Variants in KIAA0825 observed in about 807,000 individuals in gnomAD.
KIAA0825 encodes the protein uncharacterized protein KIAA0825.
Under a neutral mutation model 147.6 loss-of-function variants are expected in KIAA0825, and 119 were observed. That is an observed-to-expected ratio of 0.81 (90% CI 0.69 to 0.94). KIAA0825 has a LOEUF of 0.94. KIAA0825 is among the 40% of genes least tolerant of loss of function. KIAA0825 has a pLI of 0.00. For missense variants in KIAA0825, 1,381 were observed against 1,472.7 expected, an observed-to-expected ratio of 0.94 and a Z score of 1.02; for synonymous variants, 470 against 518.1, an observed-to-expected ratio of 0.91 and a Z score of 1.26.
At chr5:94,233,591 A>G (rs553445614) in intron 20 of KIAA0825, among the ~76,000 whole-genome samples, 1 of 152,294 alleles carries the variant, frequency 6.6e-6, no homozygotes, top group Non-Finnish European at 1.5e-5. Flanking sequence ...ATAAGTTGTC[A>G]TGATAGTTAC....
At chr5:94,335,908 CACTA>C (rs528342748) in intron 20 of KIAA0825, among the ~76,000 whole-genome samples, 1 of 152,142 alleles carries the variant, frequency 6.6e-6, no homozygotes, top group Non-Finnish European at 1.5e-5. Flanking sequence ...TTTAAATAAT[CACTA>C]ACTTTTTAAG....
At chr5:94,540,399 T>C (rs1584827405) in intron 2 of KIAA0825, among the ~76,000 whole-genome samples, 1 of 152,310 alleles carries the variant, frequency 6.6e-6, no homozygotes, top group East Asian at 1.9e-4. Flanking sequence ...AAAAACTGGA[T>C]AAGGTTTCCC....
chr5:94,202,277 G>A (rs1435255636), intron 20 of KIAA0825, among the ~76,000 whole-genome samples: 1 of 152,096 alleles, frequency 6.6e-6, no homozygotes, highest in Non-Finnish European at 1.5e-5. Context: ...ATGAAGGGGA[G>A]GAAGAACAGA....
intron 10 of KIAA0825, among the ~76,000 whole-genome samples, chr5:94,465,772 T>C (rs58962581): frequency 0.16 from 24,040 of 152,192 alleles, 2,089 homozygotes; most frequent in East Asian, 0.21. Flanking sequence ...TTTCCACCCC[T>C]GTACAGATCT....
At chr5:94,481,079 T>C (rs560775344) in intron 6 of KIAA0825, among the ~76,000 whole-genome samples, 1 of 152,238 alleles carries the variant, frequency 6.6e-6, no homozygotes, top group South Asian at 2.1e-4. Context: ...TTAAAATCTA[T>C]ACACTTATTA....
chr5:94,421,015 A>T (rs546188216), intron 14 of KIAA0825, among the ~76,000 whole-genome samples: 2 of 152,026 alleles, frequency 1.3e-5, no homozygotes, highest in South Asian at 4.2e-4. Flanking sequence ...GTCTCTCTTG[A>T]CTTCCTGGCA....
At chr5:94,248,229 G>T (rs1248322698) in intron 20 of KIAA0825, among the ~76,000 whole-genome samples, 2 of 152,042 alleles carry the variant, frequency 1.3e-5, no homozygotes, top group East Asian at 3.9e-4. Context: ...ACATTAAGAA[G>T]CAAACAACAA....
chr5:94,509,937 T>C lies in KIAA0825; in HGVS notation c.970+10311A>G, dbSNP rs187353845. Among the ~76,000 whole-genome samples the C allele has an allele frequency of 5.1e-4, 78 of 152,352 alleles. 1 individual carries two copies. The highest frequency in any genetic ancestry group is 9.8e-4 in the Admixed American group (15 of 15,296). On this transcript the variant is annotated intron_variant, in intron 5 of 20. Transcript: ENST00000682413. Reference sequence around the variant, plus strand: ...TCAGATAGCTGAAGGATTACTGTTTTACTGCACTACAAAAAGAATGTTAAC... The same window carrying C: ...TCAGATAGCTGAAGGATTACTGTTTCACTGCACTACAAAAAGAATGTTAAC...
At chr5:94,594,013 C>T (rs1784814968) in intron 1 of KIAA0825, 1 of 507,076 alleles carries the variant, frequency 2.0e-6, no homozygotes, top group African/African-American at 2.0e-5. Flanking sequence ...TAACTATGAT[C>T]CACCTCAAAG....
chr5:94,377,481 C>T (rs1747751349), intron 20 of KIAA0825, among the ~76,000 whole-genome samples: 1 of 152,190 alleles, frequency 6.6e-6, no homozygotes, highest in Non-Finnish European at 1.5e-5. Context: ...GAAGGGAGAG[C>T]TCCTTTTGGT....
At chr5:94,446,334 G>A (rs950237180) in intron 13 of KIAA0825, among the ~76,000 whole-genome samples, 12 of 152,062 alleles carry the variant, frequency 7.9e-5, no homozygotes, top group African/African-American at 2.9e-4. Context: ...TAGTTTAAGT[G>A]ATCATACAAA....
chr5:94,406,605 CT>C (rs138341851), intron 15 of KIAA0825, among the ~76,000 whole-genome samples: 3,757 of 152,260 alleles, frequency 0.025, 140 homozygotes, highest in African/African-American at 0.086. Context: ...TGAAAATCAA[CT>C]TTTGAGAACT....
chr5:94,521,150 T>C (rs1190488054), intron 4 of KIAA0825, among the ~76,000 whole-genome samples: 2 of 151,854 alleles, frequency 1.3e-5, no homozygotes, highest in Non-Finnish European at 3.0e-5. Flanking sequence ...TCTTTTCAAT[T>C]AGATTTCTAG....
At chr5:94,276,719 TTTAA>T (rs532675405) in intron 20 of KIAA0825, among the ~76,000 whole-genome samples, 1 of 152,074 alleles carries the variant, frequency 6.6e-6, no homozygotes, top group Non-Finnish European at 1.5e-5. Context: ...TTCTTAATTA[TTTAA>T]TTATTAAATA....
intron 20 of KIAA0825, among the ~76,000 whole-genome samples, chr5:94,348,600 CT>C (rs1197572682): frequency 1.3e-5 from 2 of 152,048 alleles, no homozygotes; most frequent in Non-Finnish European, 2.9e-5. Context: ...CTCACAGAAA[CT>C]TAAAGAAAAT....
chr5:94,605,283 A>T (rs1787289591), intron 1 of KIAA0825, among the ~76,000 whole-genome samples: 1 of 152,188 alleles, frequency 6.6e-6, no homozygotes, highest in South Asian at 2.1e-4. Context: ...ATAGCTTACC[A>T]ACCAAAAAAA....
intron 5 of KIAA0825, among the ~76,000 whole-genome samples, chr5:94,515,833 G>T (rs1452631121): frequency 1.3e-5 from 2 of 149,570 alleles, no homozygotes; most frequent in Admixed American, 1.3e-4. Context: ...GAATACAGAT[G>T]AACAAAATCG....
In KIAA0825 at chr5:94,153,843, C is replaced by A; in HGVS notation, c.*164G>T. 2.2e-6 allele frequency: 1 copy of A among 462,336 alleles called. No individual in the cohort carries two copies. The highest frequency in any genetic ancestry group is 3.8e-6 in the Non-Finnish European group (1 of 259,880). The allele number at this position is 462,336 out of a possible 1,614,324, so 28.6% of individuals were successfully genotyped here. On this transcript the variant is annotated 3_prime_UTR_variant, in exon 21 of 21. Transcript: ENST00000682413. ...ATTTTTAAAATAAAAAAATATGTAG[C>A]ACCTTATCCTTTATGTGCTGTATTC...
intron 2 of KIAA0825, among the ~76,000 whole-genome samples, chr5:94,551,951 T>G (rs1268993701): frequency 6.6e-6 from 1 of 151,760 alleles, no homozygotes; most frequent in Non-Finnish European, 1.5e-5. Context: ...TGAATGAAAA[T>G]GGATTCAATT....
Sources: allele counts gnomAD v4.1 joint callset (sites outside exome capture counted in the v4.1 genomes callset), GRCh38; gene constraint gnomAD v4.1.1; transcripts MANE v1.5; gene names NCBI Gene and HGNC (gene_info 2026-07-23, HGNC 2026-07-21).